Variants in SPPL2A observed in about 807,000 individuals in gnomAD.
SPPL2A encodes signal peptide peptidase-like 2A.
Under a neutral mutation model 63.8 loss-of-function variants are expected in SPPL2A, and 51 were observed. The ratio of observed to expected loss-of-function variants is 0.80; its 90% CI spans 0.64 to 1.01. SPPL2A has a LOEUF of 1.01. SPPL2A is among the 50% of genes least tolerant of loss of function. The pLI, the probability that SPPL2A is intolerant of heterozygous loss-of-function variation, is 0.00. For synonymous variants in SPPL2A, 188 were observed against 205.8 expected (o/e 0.91, Z 0.74); for missense variants, 553 against 622.7 (o/e 0.89, Z 1.19).
chr15:50,763,853 G>T (rs377232684), intron 1 of SPPL2A, among the ~76,000 whole-genome samples: 1 of 152,086 alleles, frequency 6.6e-6, no homozygotes, highest in Non-Finnish European at 1.5e-5. Context: ...AGCCGAGATC[G>T]CGCCACTGCA....
At chr15:50,721,939 A>G (rs745564882) in intron 13 of SPPL2A, among the ~76,000 whole-genome samples, 185 bp downstream of exon 13, 3 of 151,864 alleles carry the variant, frequency 2.0e-5, no homozygotes, top group Non-Finnish European at 4.4e-5. Flanking sequence ...GGGTCTCACT[A>G]TGTTGCCCAG....
intron 14 of SPPL2A, among the ~76,000 whole-genome samples, chr15:50,708,342 T>C (rs1325041144): frequency 6.6e-6 from 1 of 152,174 alleles, no homozygotes; most frequent in African/African-American, 2.4e-5. Flanking sequence ...TAATTTAAAC[T>C]TTGGAAACAT....
At chr15:50,742,473 C>G (rs1473101259) in intron 5 of SPPL2A, among the ~76,000 whole-genome samples, 4 of 152,112 alleles carry the variant, frequency 2.6e-5, no homozygotes, top group Non-Finnish European at 5.9e-5. Flanking sequence ...TAAGGTACAT[C>G]TCTCATTTGG....
chr15:50,736,280 CCA>C (rs1454103671), intron 7 of SPPL2A, 78 bp from the exon 8 acceptor site: 10 of 857,634 alleles, frequency 1.2e-5, no homozygotes, highest in African/African-American at 1.7e-5. Context: ...CAAATATTAA[CCA>C]CAGTCATAAG....
At chr15:50,723,141 T>C (rs2062661194) in intron 12 of SPPL2A, among the ~76,000 whole-genome samples, 1 of 152,192 alleles carries the variant, frequency 6.6e-6, no homozygotes, top group African/African-American at 2.4e-5. Context: ...GAATGGCTGT[T>C]ATTAAAAAGA....
intron 1 of SPPL2A, among the ~76,000 whole-genome samples, chr15:50,761,849 T>A (rs578122268): frequency 6.6e-6 from 1 of 151,836 alleles, no homozygotes; most frequent in African/African-American, 2.4e-5. Flanking sequence ...GGAGAATTGC[T>A]AGAACCCAGG....
At chr15:50,744,545 T>C (rs761433739) in intron 5 of SPPL2A, among the ~76,000 whole-genome samples, 4 of 152,216 alleles carry the variant, frequency 2.6e-5, no homozygotes, top group Non-Finnish European at 1.5e-5. Flanking sequence ...CTTTTTAATT[T>C]AGAGCCAAAA....
chr15:50,731,098 A>G, intron 9 of SPPL2A, 59 bp from the exon 10 acceptor site: 1 of 740,790 alleles, frequency 1.3e-6, no homozygotes, highest in Non-Finnish European at 2.3e-6. Flanking sequence ...TGAAGGCATT[A>G]AATTGTTTTT....
At chr15:50,712,749 G>C (rs1436604516) in intron 14 of SPPL2A, among the ~76,000 whole-genome samples, 2 of 134,134 alleles carry the variant, frequency 1.5e-5, no homozygotes, top group Non-Finnish European at 3.1e-5. Flanking sequence ...ATGCGATCTC[G>C]ATCTCGGCTC....
At chr15:50,757,119 G>A (rs1416830390) in intron 1 of SPPL2A, among the ~76,000 whole-genome samples, 1 of 110,512 alleles carries the variant, frequency 9.0e-6, no homozygotes, top group Non-Finnish European at 1.8e-5. Context: ...GTCTCACTCT[G>A]TCGCCCAGGC....
In SPPL2A at chr15:50,765,595, T is replaced by TC. The variant is rs1257396557; in HGVS notation, c.-63dup. 9 of 1,170,588 alleles carry TC rather than the reference T, an allele frequency of 7.7e-6. No individual in the cohort carries two copies. The African/African-American group carries it at 1.3e-4, about 17-fold the overall frequency. The allele number at this position is 1,170,588 out of a possible 1,614,324, so 72.5% of individuals were successfully genotyped here. ...GCGCAGCTCACTCGGCGGGGTAGGC[T>TC]CGGAGTCCCGCCGCTGCGCTGCCTC... On this transcript the variant is annotated 5_prime_UTR_variant, in exon 1 of 15. Coordinates refer to ENST00000261854, the MANE Select transcript of SPPL2A (RefSeq NM_032802.4).
intron 5 of SPPL2A, among the ~76,000 whole-genome samples, chr15:50,746,005 C>T (rs2062854371): frequency 6.6e-6 from 1 of 151,852 alleles, no homozygotes; most frequent in African/African-American, 2.4e-5. Context: ...GAGCTGAGAT[C>T]ATACCACTGC....
chr15:50,754,510 T>G (rs933373061), intron 1 of SPPL2A, among the ~76,000 whole-genome samples: 1 of 152,210 alleles, frequency 6.6e-6, no homozygotes, highest in African/African-American at 2.4e-5. Context: ...ACTATCGGCT[T>G]ATACATTTTA....
At chr15:50,731,181 T>A in intron 9 of SPPL2A, 142 bp from the exon 10 acceptor site, 1 of 477,522 alleles carries the variant, frequency 2.1e-6, no homozygotes, top group Non-Finnish European at 3.8e-6. Context: ...TAATACTATG[T>A]ATAGTTTTAT....
chr15:50,723,115 C>T lies in SPPL2A; in HGVS notation c.1250-914G>A, dbSNP rs934958668. Reference sequence around the variant, plus strand: ...GCAAATTAAAACCACAATGAGATATCGCCTTACATATGTTAGAATGGCTGT... The same window carrying T: ...GCAAATTAAAACCACAATGAGATATTGCCTTACATATGTTAGAATGGCTGT... On this transcript the variant is annotated intron_variant, in intron 12 of 14. Coordinates refer to ENST00000261854, the MANE Select transcript of SPPL2A (RefSeq NM_032802.4). 5.3e-5 allele frequency among the ~76,000 whole-genome samples: 8 copies of T among 152,220 alleles called. No homozygotes were observed. In the South Asian group the frequency reaches 6.2e-4, roughly 12 times the overall value.
chr15:50,736,241 G>T, intron 7 of SPPL2A, 39 bp from the exon 8 acceptor site: 1 of 1,156,806 alleles, frequency 8.6e-7, no homozygotes, highest in Non-Finnish European at 1.3e-6. Context: ...TGCAGATGAA[G>T]TACAATGTTC....
chr15:50,712,679 C>CCTTT (rs35199045), intron 14 of SPPL2A, among the ~76,000 whole-genome samples: 10 of 102,940 alleles, frequency 9.7e-5, no homozygotes, highest in East Asian at 2.8e-4. Flanking sequence ...CTCCCCCCCC[C>CCTTT]TTTTTTTTTT....
intron 1 of SPPL2A, among the ~76,000 whole-genome samples, chr15:50,760,492 C>G (rs1187393808): frequency 6.6e-6 from 1 of 152,102 alleles, no homozygotes; most frequent in Non-Finnish European, 1.5e-5. Flanking sequence ...AACTCCTGAC[C>G]TCAGGATCTG....
At position 50,724,877 on chromosome 15, in the gene SPPL2A, T is replaced by C. The variant is rs146754627; in HGVS notation, c.1249+344A>G. 1.1e-4 allele frequency among the ~76,000 whole-genome samples: 17 copies of C among 152,284 alleles called. No individual in the cohort carries two copies. In the East Asian group the frequency reaches 3.3e-3, roughly 29 times the overall value. ...AACCCCTTTTTCTAAAACATAACTA[T>C]TATCTTAAAATATAAGTAATATAAA... On this transcript the variant is annotated intron_variant, in intron 12 of 14. Coordinates refer to ENST00000261854, the MANE Select transcript of SPPL2A (RefSeq NM_032802.4).
Sources: allele counts gnomAD v4.1 joint callset (sites outside exome capture counted in the v4.1 genomes callset), GRCh38; gene constraint gnomAD v4.1.1; transcripts MANE v1.5; gene names NCBI Gene and HGNC (gene_info 2026-07-23, HGNC 2026-07-21).